Variants in MEGF10 observed in about 807,000 individuals in gnomAD.
The protein encoded by MEGF10 is multiple epidermal growth factor-like domains protein 10.
In MEGF10, 86 loss-of-function variants were observed where a neutral mutation model predicts 147.5. That is an observed-to-expected ratio of 0.58 (90% CI 0.49 to 0.70). The LOEUF (loss-of-function observed/expected upper bound fraction) is 0.70. Among genes scored for constraint, MEGF10 ranks in the 30% least tolerant of loss-of-function variants. The pLI is 0.00. For synonymous variants in MEGF10, 478 were observed against 525.5 expected (o/e 0.91, Z 1.24); for missense variants, 1,329 against 1,487.3 (o/e 0.89, Z 1.75).
the MEGF10 span, among the ~76,000 whole-genome samples, chr5:127,274,386 A>G: frequency 6.6e-6 from 1 of 152,170 alleles, no homozygotes; most frequent in Non-Finnish European, 1.5e-5. Context: ...CAATTTTGCT[A>G]GGTGTGATAA....
chr5:127,397,120 A>G (rs17839695), intron 6 of MEGF10, among the ~76,000 whole-genome samples: 6 of 152,026 alleles, frequency 3.9e-5, no homozygotes, highest in Non-Finnish European at 7.4e-5. Context: ...TCTCCCGAGA[A>G]TATGTTCATT....
chr5:127,424,718 C>A (rs117460502), intron 13 of MEGF10: 6,397 of 234,800 alleles, frequency 0.027, 102 homozygotes, highest in East Asian at 0.042. Flanking sequence ...CTCCCCAACC[C>A]TGTAGTTCCA....
chr5:127,428,504 GCTACA>G (rs756625263), intron 13 of MEGF10, among the ~76,000 whole-genome samples: 3 of 152,124 alleles, frequency 2.0e-5, no homozygotes, highest in South Asian at 2.1e-4. Flanking sequence ...ACTACACTAC[GCTACA>G]CTACACTACA....
At chr5:127,455,886 C>T (rs1205838762) in intron 24 of MEGF10, among the ~76,000 whole-genome samples, 3 of 152,034 alleles carry the variant, frequency 2.0e-5, no homozygotes, top group Admixed American at 6.5e-5. Flanking sequence ...ACCACAGGCA[C>T]GCACTACCAC....
In MEGF10 at chr5:127,380,023, G is replaced by T. The variant is rs1291673277; in HGVS notation, c.412+10021G>T. ...CTCTGTATCATATCTCCTTTTTAAC[G>T]TTTTTAAATAGGAACTTTCTAAAAA... is the stretch of plus-strand genomic sequence containing the variant. On this transcript the variant is annotated intron_variant, in intron 5 of 24. Transcript: ENST00000503335. 2.0e-5 allele frequency among the ~76,000 whole-genome samples: 3 copies of T among 150,010 alleles called. No individual in the cohort carries two copies. The East Asian group carries it at 5.8e-4, about 29-fold the overall frequency.
At chr5:127,321,840 C>T (rs1760797741) in intron 1 of MEGF10, among the ~76,000 whole-genome samples, 1 of 152,118 alleles carries the variant, frequency 6.6e-6, no homozygotes, top group African/African-American at 2.4e-5. Context: ...CCTGTCCTCC[C>T]CCTACCATGG....
chr5:127,392,322 A>AT (rs1763734299), intron 5 of MEGF10, among the ~76,000 whole-genome samples: 2 of 152,116 alleles, frequency 1.3e-5, no homozygotes, highest in African/African-American at 4.8e-5. Context: ...CAGCCCCTGC[A>AT]CCCCTCACAC....
chr5:127,454,588 C>A lies in MEGF10; in HGVS notation c.3003C>A (p.Ser1001Arg). The A allele has an allele frequency of 6.2e-7, 1 of 1,607,696 alleles. No individual in the cohort carries two copies. The highest frequency in any genetic ancestry group is 8.5e-7 in the Non-Finnish European group (1 of 1,177,622). The part of the protein sequence containing the change: ...NELGAFGLDR[S>R]YMGKSLKDLG... ...CAGGTGCTTTTGGACTTGACAGAAG[C>A]TATATGGGAAAATCCTTAAAAGGTA... Residue 1001 changes from serine (S) to arginine (R), a missense_variant, in exon 23 of 25, where the codon AGC (serine) becomes AGA (arginine). By Grantham distance (110) the Ser-to-Arg change is moderately radical. Transcript: ENST00000503335.
intron 2 of MEGF10, among the ~76,000 whole-genome samples, chr5:127,334,045 C>A (rs757792413): frequency 5.3e-5 from 8 of 151,950 alleles, no homozygotes; most frequent in Non-Finnish European, 7.4e-5. Context: ...ATAATGATTT[C>A]TAGAAGAAAG....
rs1037079599 is a variant in MEGF10 at position 127,451,090 on chromosome 5, G to T, written c.2980+1868G>T. On this transcript the variant is annotated intron_variant, in intron 22 of 24. Transcript: ENST00000503335. ...CTAAATTGGATGATCCTCCTGGGTG[G>T]ACTCTCTCCTGTGAATCTTGTTTTG... 4.6e-5 allele frequency among the ~76,000 whole-genome samples: 7 copies of T among 152,192 alleles called. No homozygotes were observed. In the South Asian group the frequency reaches 1.2e-3, roughly 27 times the overall value.
chr5:127,268,436 G>T, the MEGF10 span, among the ~76,000 whole-genome samples: 14 of 152,202 alleles, frequency 9.2e-5, no homozygotes, highest in Non-Finnish European at 1.6e-4. Context: ...TGTTAGGTCC[G>T]CTTGGTGTAG....
intron 1 of MEGF10, among the ~76,000 whole-genome samples, chr5:127,321,125 A>G (rs761921922): frequency 8.5e-5 from 13 of 152,214 alleles, no homozygotes; most frequent in Non-Finnish European, 1.8e-4. Context: ...ACTGTAAGTT[A>G]AGAGAACTGA....
intron 1 of MEGF10, among the ~76,000 whole-genome samples, chr5:127,309,969 C>CTTTCTTTCTT (rs1760198443): frequency 4.5e-5 from 3 of 66,722 alleles, no homozygotes; most frequent in Non-Finnish European, 1.0e-4. Flanking sequence ...TTCTTTCTTT[C>CTTTCTTTCTT]TTTCTTTCTT....
At chr5:127,352,417 T>G (rs1033487241) in intron 4 of MEGF10, among the ~76,000 whole-genome samples, 3 of 152,186 alleles carry the variant, frequency 2.0e-5, no homozygotes, top group African/African-American at 7.2e-5. Flanking sequence ...ATCCTAGCAT[T>G]TTGGGAGGCC....
the MEGF10 span, among the ~76,000 whole-genome samples, chr5:127,245,003 T>A: frequency 4.6e-5 from 7 of 152,078 alleles, no homozygotes; most frequent in Admixed American, 4.6e-4. Flanking sequence ...ATGGGAAGAA[T>A]CAATATTGTT....
At chr5:127,241,111 G>A in the MEGF10 span, among the ~76,000 whole-genome samples, 1 of 152,160 alleles carries the variant, frequency 6.6e-6, no homozygotes, top group African/African-American at 2.4e-5. Flanking sequence ...GGGATTTGTT[G>A]TTTCAAGTTC....
intron 1 of MEGF10, among the ~76,000 whole-genome samples, chr5:127,314,553 C>A (rs963415607): frequency 6.6e-6 from 1 of 152,274 alleles, no homozygotes; most frequent in Admixed American, 6.5e-5. Context: ...GTCCTGAACA[C>A]ACTGTTAAGT....
intron 1 of MEGF10, among the ~76,000 whole-genome samples, chr5:127,311,489 G>A (rs1760284034): frequency 6.6e-6 from 1 of 152,208 alleles, no homozygotes; most frequent in Non-Finnish European, 1.5e-5. Context: ...TTTGAGTTAG[G>A]TGAGTATTTG....
chr5:127,368,508 C>A (rs942439508), intron 4 of MEGF10, among the ~76,000 whole-genome samples: 3 of 152,196 alleles, frequency 2.0e-5, no homozygotes, highest in African/African-American at 7.2e-5. Context: ...CGAATTCTCA[C>A]AATAAAGCCC....
Sources: allele counts gnomAD v4.1 joint callset (sites outside exome capture counted in the v4.1 genomes callset), GRCh38; gene constraint gnomAD v4.1.1; transcripts MANE v1.5; gene names NCBI Gene and HGNC (gene_info 2026-07-23, HGNC 2026-07-21).